EXT2: variants seen among roughly 807,000 people sequenced by gnomAD.
The protein encoded by EXT2 is exostosin glycosyltransferase 2.
A neutral mutation model predicts 81.6 loss-of-function variants in EXT2; 53 were observed. That is an observed-to-expected ratio of 0.65 (90% CI 0.52 to 0.82). The LOEUF is 0.82. Among genes scored for constraint, EXT2 ranks in the 40% least tolerant of loss-of-function variants. The pLI is 0.00. For synonymous variants in EXT2, 320 were observed against 340.0 expected, an observed-to-expected ratio of 0.94 and a Z score of 0.65; for missense variants, 774 against 910.2, an observed-to-expected ratio of 0.85 and a Z score of 1.93.
In EXT2 at chr11:44,244,456, A is replaced by G. The variant is rs956803129; in HGVS notation, c.*169A>G. ...TCTCAAGAACAAGAACCTAGAATGA[A>G]TATCCAAGCACCTCGAGCTATGCAA... On this transcript the variant is annotated 3_prime_UTR_variant, in exon 14 of 14. Transcript: ENST00000533608. The G allele has an allele frequency of 2.3e-5, 15 of 662,826 alleles. No individual in the cohort carries two copies. The South Asian group carries it at 2.5e-4, about 11-fold the overall frequency. The allele number at this position is 662,826 out of a possible 1,614,324, so 41.1% of individuals were successfully genotyped here. A position where few individuals can be genotyped will look rare whatever the true frequency, so the allele number is the denominator to read the frequency against.
chr11:44,129,335 T>C (rs1327787923), intron 6 of EXT2, among the ~76,000 whole-genome samples: 1 of 152,232 alleles, frequency 6.6e-6, no homozygotes, highest in Non-Finnish European at 1.5e-5. Context: ...TTCAGTGGCC[T>C]ACAAGGTCCT....
At chr11:44,152,589 G>T (rs537482400) in intron 7 of EXT2, among the ~76,000 whole-genome samples, 2 of 152,278 alleles carry the variant, frequency 1.3e-5, no homozygotes, top group East Asian at 1.9e-4. Flanking sequence ...GACCTCAGGT[G>T]ATCTGCCCTC....
chr11:44,204,919 G>GGATTTTA (rs1955564971), intron 9 of EXT2, among the ~76,000 whole-genome samples: 1 of 152,044 alleles, frequency 6.6e-6, no homozygotes, highest in African/African-American at 2.4e-5. Flanking sequence ...TGTATGACAG[G>GGATTTTA]GATTTTATTT....
chr11:44,144,181 G>C, intron 7 of EXT2: 1 of 1,416,572 alleles, frequency 7.1e-7, no homozygotes, highest in African/African-American at 1.4e-5. Context: ...GTTGACCCAA[G>C]TTGTGCTCTT....
At chr11:44,201,555 C>G (rs1040083430) in intron 9 of EXT2, among the ~76,000 whole-genome samples, 1 of 152,094 alleles carries the variant, frequency 6.6e-6, no homozygotes, top group African/African-American at 2.4e-5. Flanking sequence ...AAGCTCATGC[C>G]CTTTGCACTA....
chr11:44,152,872 C>A (rs1258000794), intron 7 of EXT2, among the ~76,000 whole-genome samples: 1 of 152,208 alleles, frequency 6.6e-6, no homozygotes, highest in African/African-American at 2.4e-5. Context: ...GCTCTCTATT[C>A]TGTTCCGTTG....
At chr11:44,169,201 C>T (rs1384690390) in intron 7 of EXT2, among the ~76,000 whole-genome samples, 2 of 151,824 alleles carry the variant, frequency 1.3e-5, no homozygotes, top group African/African-American at 4.8e-5. Flanking sequence ...GCCTGGGTGA[C>T]AGAGTGAGAC....
rs764148237 is a variant in EXT2 at position 44,109,175 on chromosome 11, A to G, written c.537-19A>G. Reference sequence around the variant, plus strand: ...ATAGTTGACACATTAATTCTCCTACATTTTAAATTTCTTGACAGGTGGGAT... The same window carrying G: ...ATAGTTGACACATTAATTCTCCTACGTTTTAAATTTCTTGACAGGTGGGAT... On this transcript the variant is annotated intron_variant, in intron 2 of 13. Transcript: ENST00000533608. 2.5e-6 allele frequency: 4 copies of G among 1,613,016 alleles called. No individual in the cohort carries two copies. The East Asian group carries it at 6.7e-5, about 27-fold the overall frequency.
intron 10 of EXT2, among the ~76,000 whole-genome samples, chr11:44,228,426 G>A (rs1463875908): frequency 1.3e-5 from 2 of 152,126 alleles, no homozygotes; most frequent in Admixed American, 1.3e-4. Context: ...GAAGAGACAG[G>A]GTAGAGTTTG....
chr11:44,173,618 G>A (rs1393818944), intron 8 of EXT2, among the ~76,000 whole-genome samples: 1 of 142,766 alleles, frequency 7.0e-6, no homozygotes, highest in Non-Finnish European at 1.5e-5. Context: ...GCCCAGGCTG[G>A]AGTGCAGTAG....
chr11:44,135,516 C>T (rs1394759709), intron 7 of EXT2, among the ~76,000 whole-genome samples: 2 of 151,800 alleles, frequency 1.3e-5, no homozygotes, highest in Non-Finnish European at 2.9e-5. Flanking sequence ...CTCAGCCTCC[C>T]AAGAAGTTGG....
chr11:44,194,008 C>T (rs887454821), intron 8 of EXT2, among the ~76,000 whole-genome samples: 1 of 152,182 alleles, frequency 6.6e-6, no homozygotes, highest in African/African-American at 2.4e-5. Context: ...GTTCCATGTC[C>T]CTGGCAGCTC....
chr11:44,229,491 C>A lies in EXT2; in HGVS notation c.1663-2862C>A, dbSNP rs115229005. ...CCCTGTTAGGTGAGCTGGTTTCACACAAATGAAAGCTCTTTTCATGATCCC... is the reference window on the plus strand; with the variant it reads ...CCCTGTTAGGTGAGCTGGTTTCACAAAAATGAAAGCTCTTTTCATGATCCC... On this transcript the variant is annotated intron_variant, in intron 10 of 13. Transcript: ENST00000533608. Among the ~76,000 whole-genome samples the A allele has an allele frequency of 4.8e-3, 734 of 152,276 alleles. 10 individuals carry two copies. Among genetic ancestry groups the A allele is most frequent in the African/African-American group, 0.017 (713 of 41,534 alleles).
chr11:44,171,914 A>G, intron 8 of EXT2, 172 bp downstream of exon 8: 1 of 928,972 alleles, frequency 1.1e-6, no homozygotes, highest in Non-Finnish European at 1.7e-6. Context: ...AACACTGACA[A>G]AAGTAAAAAA....
intron 7 of EXT2, among the ~76,000 whole-genome samples, chr11:44,169,926 C>T (rs1422126560): frequency 6.6e-6 from 1 of 151,992 alleles, no homozygotes; most frequent in East Asian, 1.9e-4. Flanking sequence ...ACTTGAAATA[C>T]TTACATATAT....
At chr11:44,159,778 A>G (rs911910475) in intron 7 of EXT2, among the ~76,000 whole-genome samples, 1 of 152,144 alleles carries the variant, frequency 6.6e-6, no homozygotes, top group African/African-American at 2.4e-5. Flanking sequence ...TGTGGGGGGA[A>G]GGACTGGACT....
In EXT2 at chr11:44,131,350, T is replaced by A. The variant is rs1306388411; in HGVS notation, c.1173+1212T>A. ...ACCCTCTTTATTATGATAGTGAACT[T>A]CTTATCGACACAGATTAAGTCTGTA... On this transcript the variant is annotated intron_variant, in intron 7 of 13. Coordinates refer to ENST00000533608, the MANE Select transcript of EXT2 (RefSeq NM_207122.2). 2.0e-5 allele frequency among the ~76,000 whole-genome samples: 3 copies of A among 152,182 alleles called. No homozygotes were observed. In the East Asian group the frequency reaches 5.8e-4, roughly 29 times the overall value.
intron 7 of EXT2, among the ~76,000 whole-genome samples, chr11:44,150,196 A>G (rs1954774163): frequency 6.6e-6 from 1 of 152,216 alleles, no homozygotes; most frequent in South Asian, 2.1e-4. Context: ...ACCAAGGGGT[A>G]AGGTCATGAG....
intron 8 of EXT2, among the ~76,000 whole-genome samples, chr11:44,172,583 CTTTTT>C (rs35070892): frequency 9.3e-6 from 1 of 107,400 alleles, no homozygotes; most frequent in Admixed American, 9.8e-5. Context: ...TCTACCTTTT[CTTTTT>C]TTTTTTTTTT....
Sources: gnomAD v4.1 joint callset for allele counts (sites outside exome capture counted in the v4.1 genomes callset) on GRCh38, gnomAD v4.1.1 for gene constraint, MANE v1.5 for transcripts, NCBI Gene and HGNC (gene_info 2026-07-23, HGNC 2026-07-21) for gene names.